Variants in KIAA0513 observed in about 807,000 individuals in gnomAD.
The protein encoded by KIAA0513 is uncharacterized protein KIAA0513.
In KIAA0513, 39 loss-of-function variants were observed where a neutral mutation model predicts 56.5. The observed-to-expected ratio is 0.69, with a 90% CI of 0.53 to 0.90. KIAA0513 has a LOEUF of 0.90. KIAA0513 is among the 40% of genes least tolerant of loss of function. The pLI, the probability that KIAA0513 is intolerant of heterozygous loss-of-function variation, is 0.00. For missense variants in KIAA0513, 591 were observed against 535.2 expected (o/e 1.10, Z -1.03); for synonymous variants, 268 against 215.6 (o/e 1.24, Z -2.13).
At chr16:85,087,419 T>A (rs1459723154) in intron 12 of KIAA0513, among the ~76,000 whole-genome samples, 1 of 152,182 alleles carries the variant, frequency 6.6e-6, no homozygotes, top group Non-Finnish European at 1.5e-5. Flanking sequence ...GCCTGGGTGT[T>A]CACAGTCAGG....
chr16:85,048,838 G>A (rs925573409), intron 1 of KIAA0513, among the ~76,000 whole-genome samples: 1 of 152,202 alleles, frequency 6.6e-6, no homozygotes, highest in Non-Finnish European at 1.5e-5. Context: ...CAAATGACCT[G>A]TAGAAAACAG....
At chr16:85,039,717 C>T (rs1217451911) in intron 1 of KIAA0513, among the ~76,000 whole-genome samples, 1 of 152,190 alleles carries the variant, frequency 6.6e-6, no homozygotes, top group South Asian at 2.1e-4. Flanking sequence ...AAGTGATCCC[C>T]CTGCCTCAGC....
intron 7 of KIAA0513, 45 bp downstream of exon 7, chr16:85,078,500 C>T: frequency 6.3e-7 from 1 of 1,585,108 alleles, no homozygotes; most frequent in Non-Finnish European, 8.6e-7. Flanking sequence ...GCCCACAGCC[C>T]CTCAGCCAGC....
At chr16:85,083,831 C>G (rs1267901151) in intron 10 of KIAA0513, among the ~76,000 whole-genome samples, 1 of 152,214 alleles carries the variant, frequency 6.6e-6, no homozygotes, top group Non-Finnish European at 1.5e-5. Context: ...CCCCAGGCAA[C>G]CTCATGCTTC....
At position 85,045,170 on chromosome 16, in the gene KIAA0513, A is replaced by G. The variant is rs77454206; in HGVS notation, c.-173+17312A>G. ...AAAAAGAAAGCATCTGTCCCTCATC[A>G]TGTCAATGGTCTGTAGCAGTCAGAT... On this transcript the variant is annotated intron_variant, in intron 1 of 12. Coordinates refer to ENST00000683363, the MANE Select transcript of KIAA0513 (RefSeq NM_001388359.1). Among the ~76,000 whole-genome samples the G allele has an allele frequency of 3.5e-3, 527 of 152,272 alleles. 2 individuals carry two copies. The highest frequency in any genetic ancestry group is 0.012 in the African/African-American group (502 of 41,566).
intron 1 of KIAA0513, among the ~76,000 whole-genome samples, chr16:85,054,722 G>A (rs1312699369): frequency 2.0e-5 from 3 of 151,850 alleles, no homozygotes; most frequent in East Asian, 1.9e-4. Context: ...GAGCCACCAC[G>A]CCCAGCCAAA....
rs113999780 is a variant in KIAA0513, at chr16:85,031,816, C to G, written c.-173+3958C>G. On this transcript the variant is annotated intron_variant, in intron 1 of 12. Transcript: ENST00000683363. ...TCCTTTTTCCTCTGATCCCTGCCCACTCACTCTATCATATTACAGTGTTTT... is the reference window on the plus strand; with the variant it reads ...TCCTTTTTCCTCTGATCCCTGCCCAGTCACTCTATCATATTACAGTGTTTT... Among the ~76,000 whole-genome samples, 581 of 152,326 alleles carry G rather than the reference C, an allele frequency of 3.8e-3. 4 individuals carry two copies. The highest frequency in any genetic ancestry group is 0.012 in the African/African-American group (518 of 41,568).
rs969888634 is a variant in KIAA0513, at chr16:85,089,331, C to G, written c.*1006C>G. The G allele has an allele frequency of 6.6e-6, 1 of 152,372 alleles. No individual in the cohort carries two copies. Among genetic ancestry groups the G allele is most frequent in the Non-Finnish European group, 1.5e-5 (1 of 68,156 alleles). 9.4% of individuals were successfully genotyped at this position (152,372 alleles called of 1,614,324 possible). ...TGCAACGTGCAGGGCAAGCCAGTGGCGTGGCCTCTGCCTCTAAGCGCTGAG... is the reference window on the plus strand; with the variant it reads ...TGCAACGTGCAGGGCAAGCCAGTGGGGTGGCCTCTGCCTCTAAGCGCTGAG... On this transcript the variant is annotated 3_prime_UTR_variant, in exon 13 of 13. Transcript: ENST00000683363. This position sits in a 1 kb window ranked among gnomAD's most constrained non-coding sequence, Gnocchi z 4.2.
chr16:85,075,715 T>G, intron 4 of KIAA0513, 129 bp from the exon 5 acceptor site: 1 of 743,084 alleles, frequency 1.3e-6, no homozygotes, highest in Non-Finnish European at 2.4e-6. Context: ...GGGAGATTGT[T>G]TTGTGCATCT....
At chr16:85,079,067 G>C in intron 8 of KIAA0513, 64 bp downstream of exon 8, 1 of 1,612,806 alleles carries the variant, frequency 6.2e-7, no homozygotes, top group Non-Finnish European at 8.5e-7. Context: ...CACTCCCCGG[G>C]ATCACTTCTA....
Position 85,091,336 on chromosome 16 carries a change from T to G in KIAA0513, c.*3011T>G, listed in dbSNP as rs893339245. 1.3e-5 allele frequency: 2 copies of G among 152,190 alleles called. No individual in the cohort carries two copies. Among genetic ancestry groups the G allele is most frequent in the African/African-American group, 4.8e-5 (2 of 41,450 alleles). The allele number at this position is 152,190 out of a possible 1,614,324, so 9.4% of individuals were successfully genotyped here. On this transcript the variant is annotated 3_prime_UTR_variant, in exon 13 of 13. Coordinates refer to ENST00000683363, the MANE Select transcript of KIAA0513 (RefSeq NM_001388359.1). ...GTCTAAGAGGGGCCGTGGTAATAGA[T>G]TGCATCTGCCCTGTGCATGCGCATG...
chr16:85,075,216 C>A (rs551059120), intron 4 of KIAA0513, among the ~76,000 whole-genome samples: 3 of 151,240 alleles, frequency 2.0e-5, no homozygotes, highest in African/African-American at 7.3e-5. Context: ...TAAAAATGGC[C>A]TTTAATCCCA....
chr16:85,052,694 C>T (rs2143931421), intron 1 of KIAA0513, among the ~76,000 whole-genome samples: 1 of 152,240 alleles, frequency 6.6e-6, no homozygotes, highest in East Asian at 1.9e-4. Context: ...CAGGAGCAGC[C>T]TGACCAGCAG....
At chr16:85,044,442 C>G (rs1306673949) in intron 1 of KIAA0513, among the ~76,000 whole-genome samples, 3 of 152,166 alleles carry the variant, frequency 2.0e-5, no homozygotes, top group Non-Finnish European at 2.9e-5. Flanking sequence ...AGTGAGGTCC[C>G]TGCTGTTCTG....
chr16:85,031,800 CT>C (rs2072968324), intron 1 of KIAA0513, among the ~76,000 whole-genome samples: 2 of 152,276 alleles, frequency 1.3e-5, no homozygotes, highest in South Asian at 2.1e-4. Context: ...TTCCTTTTTC[CT>C]CTGATCCCTG....
At chr16:85,060,568 G>A (rs1461935985) in intron 1 of KIAA0513, among the ~76,000 whole-genome samples, 1 of 152,232 alleles carries the variant, frequency 6.6e-6, no homozygotes, top group Non-Finnish European at 1.5e-5. Flanking sequence ...GCCAGGCACG[G>A]CGGCTCACGC....
At position 85,081,453 on chromosome 16, in the gene KIAA0513, T is replaced by C; in HGVS notation, c.980+61T>C. On this transcript the variant is annotated intron_variant, in intron 9 of 12. Coordinates refer to ENST00000683363, the MANE Select transcript of KIAA0513 (RefSeq NM_001388359.1). The surrounding 1 kb of genome is among the most constrained non-coding windows in gnomAD (Gnocchi z 4.4). Reference sequence around the variant, plus strand: ...AAAAGGACCAGGGAGTGGCTTTATTTCCCGGTTTCGGAAGAGGAGAGCAGA... The same window carrying C: ...AAAAGGACCAGGGAGTGGCTTTATTCCCCGGTTTCGGAAGAGGAGAGCAGA... 1 of 1,431,714 alleles carries C rather than the reference T, an allele frequency of 7.0e-7. No homozygotes were observed. The highest frequency in any genetic ancestry group is 2.5e-5 in the East Asian group (1 of 40,302). The allele number at this position is 1,431,714 out of a possible 1,614,324, so 88.7% of individuals were successfully genotyped here.
At chr16:85,036,659 C>T (rs148105930) in intron 1 of KIAA0513, among the ~76,000 whole-genome samples, 190 of 152,212 alleles carry the variant, frequency 1.2e-3, no homozygotes, top group African/African-American at 4.3e-3. Flanking sequence ...TTATGTGTTA[C>T]GCCACAGACC....
At chr16:85,050,926 C>T (rs1256885383) in intron 1 of KIAA0513, among the ~76,000 whole-genome samples, 2 of 152,118 alleles carry the variant, frequency 1.3e-5, no homozygotes, top group Non-Finnish European at 2.9e-5. Context: ...GGAGCCAAGG[C>T]GGCAGGATCA....
Sources: gnomAD v4.1 joint callset for allele counts (sites outside exome capture counted in the v4.1 genomes callset) on GRCh38, gnomAD v4.1.1 for gene constraint, Gnocchi (gnomAD v3.1) non-coding constraint, MANE v1.5 for transcripts, NCBI Gene and HGNC (gene_info 2026-07-23, HGNC 2026-07-21) for gene names.